Variants in PIEZO2 observed in about 807,000 individuals in gnomAD.
PIEZO2 encodes piezo-type mechanosensitive ion channel component 2.
PIEZO2 carries 172 observed loss-of-function variants against 337.3 expected under a neutral mutation model. That is an observed-to-expected ratio of 0.51 (90% CI 0.45 to 0.58). The LOEUF (loss-of-function observed/expected upper bound fraction) is 0.58, where lower values mean the gene tolerates loss of function less well. Ranked by LOEUF, PIEZO2 falls within the 20% of genes least tolerant of loss-of-function variation. PIEZO2 has a pLI of 0.00. For synonymous variants in PIEZO2, 1,251 were observed against 1,228.5 expected, an observed-to-expected ratio of 1.02 and a Z score of -0.38; for missense variants, 3,028 against 3,391.3, an observed-to-expected ratio of 0.89 and a Z score of 2.66.
Position 10,742,565 on chromosome 18 carries a change from C to T in PIEZO2, c.4565G>A (p.Arg1522Lys). 1 of 1,537,172 alleles carries T rather than the reference C, an allele frequency of 6.5e-7. No individual in the cohort carries two copies. The highest frequency in any genetic ancestry group is 2.4e-5 in the East Asian group (1 of 40,906). The change falls in exon 32 of 56, where the codon AGG becomes AAG. Residue 1522 changes from arginine (R) to lysine (K), a missense_variant. Coordinates refer to ENST00000674853, the MANE Select transcript of PIEZO2 (RefSeq NM_001378183.1). ...TGGCTCCTGGGTCAAGCTCAGCATCCTCTCCTTACCCTTTTTATATTTCTG... is the reference window on the plus strand; with the variant it reads ...TGGCTCCTGGGTCAAGCTCAGCATCTTCTCCTTACCCTTTTTATATTTCTG... ...RQQKYKKGKE[R>K]MLSLTQEPGE...
chr18:10,704,385 C>CA lies in PIEZO2; in HGVS notation c.6258+8dup. 6.5e-7 allele frequency: 1 copy of CA among 1,536,848 alleles called. No homozygotes were observed. The highest frequency in any genetic ancestry group is 8.7e-7 in the Non-Finnish European group (1 of 1,146,800). ...GAAGCCATCCACAGGGGTCTGCGTC[C>CA]AGGCCTACCTCAGTATAGACGATGG... On this transcript the variant is annotated intron_variant, in intron 42 of 55. Transcript: ENST00000674853.
intron 2 of PIEZO2, among the ~76,000 whole-genome samples, chr18:11,060,633 A>G (rs1049452730): frequency 1.3e-5 from 2 of 152,260 alleles, no homozygotes. Flanking sequence ...AAACACCTCT[A>G]TGCAAATAAA....
intron 3 of PIEZO2, among the ~76,000 whole-genome samples, chr18:10,950,605 A>G (rs542797469): frequency 9.8e-5 from 15 of 152,316 alleles, no homozygotes; most frequent in African/African-American, 3.4e-4. Context: ...CAGTATTCTG[A>G]TAACACCCAA....
rs139214788 is a variant in PIEZO2 at position 10,825,082 on chromosome 18, T to C, written c.918-17808A>G. Among the ~76,000 whole-genome samples the C allele has an allele frequency of 2.8e-4, 42 of 152,210 alleles. No individual in the cohort carries two copies. In the East Asian group the frequency reaches 8.1e-3, roughly 29 times the overall value. On this transcript the variant is annotated intron_variant, in intron 7 of 55. Coordinates refer to ENST00000674853, the MANE Select transcript of PIEZO2 (RefSeq NM_001378183.1). ...TTTCACCATGTTGGCCAGGCTGGTCTTGAACTCCTGACCTCAGGTGATCCA... is the reference window on the plus strand; with the variant it reads ...TTTCACCATGTTGGCCAGGCTGGTCCTGAACTCCTGACCTCAGGTGATCCA...
At position 10,673,127 on chromosome 18, in the gene PIEZO2, A is replaced by G. The variant is rs1294451876; in HGVS notation, c.8162-254T>C. ...GCATGGCAGCAAAACCACAGGGCAA[A>G]AGTAGAGGATCCACCACCTGAGCAG... On this transcript the variant is annotated intron_variant, in intron 54 of 55. Coordinates refer to ENST00000674853, the MANE Select transcript of PIEZO2 (RefSeq NM_001378183.1). This position sits in a 1 kb window ranked among gnomAD's most constrained non-coding sequence, Gnocchi z 4.8. Among the ~76,000 whole-genome samples the G allele has an allele frequency of 6.6e-6, 1 of 152,160 alleles. No individual in the cohort carries two copies. Among genetic ancestry groups the G allele is most frequent in the African/African-American group, 2.4e-5 (1 of 41,440 alleles).
At chr18:10,687,328 C>T (rs1417699501) in intron 49 of PIEZO2, among the ~76,000 whole-genome samples, 1 of 152,018 alleles carries the variant, frequency 6.6e-6, no homozygotes, top group African/African-American at 2.4e-5. Flanking sequence ...TGTGTTGTTC[C>T]ACCCCATGTG....
Position 10,880,860 on chromosome 18 carries a change from T to C in PIEZO2, c.330-9445A>G, listed in dbSNP as rs1333166728. 1.7e-4 allele frequency among the ~76,000 whole-genome samples: 6 copies of C among 35,676 alleles called. No individual in the cohort carries two copies. The South Asian group carries it at 5.2e-3, about 31-fold the overall frequency. The allele number at this position is 35,676 out of a possible 152,430, so 23.4% of individuals were successfully genotyped here. ...TTCCCACATATCATATATATATATA[T>C]ATATATATATATATATATATATATA... On this transcript the variant is annotated intron_variant, in intron 4 of 55. Transcript: ENST00000674853.
chr18:10,845,516 T>C (rs1173560231), intron 7 of PIEZO2, among the ~76,000 whole-genome samples: 1 of 152,202 alleles, frequency 6.6e-6, no homozygotes, highest in Non-Finnish European at 1.5e-5. Context: ...ATACATGTGT[T>C]TCTACAGAAA....
At chr18:11,043,658 T>C (rs1484904255) in intron 2 of PIEZO2, among the ~76,000 whole-genome samples, 1 of 151,880 alleles carries the variant, frequency 6.6e-6, no homozygotes, top group Non-Finnish European at 1.5e-5. Context: ...ATATTATCCC[T>C]AAACACATAT....
intron 21 of PIEZO2, among the ~76,000 whole-genome samples, chr18:10,768,935 C>T (rs2038478364): frequency 6.6e-6 from 1 of 152,136 alleles, no homozygotes; most frequent in African/African-American, 2.4e-5. Flanking sequence ...AATTTCCGCT[C>T]CCCCAATGCC....
chr18:10,791,989 C>T (rs1269305830), intron 13 of PIEZO2, among the ~76,000 whole-genome samples: 1 of 152,168 alleles, frequency 6.6e-6, no homozygotes, highest in Non-Finnish European at 1.5e-5. Context: ...TCTGGTTGTC[C>T]AGGCTGGAGT....
intron 2 of PIEZO2, among the ~76,000 whole-genome samples, chr18:11,051,368 T>G (rs1568330482): frequency 2.8e-5 from 4 of 145,306 alleles, no homozygotes; most frequent in Admixed American, 2.0e-4. Flanking sequence ...TGTGTGTGTG[T>G]GGGTGTGGGT....
Position 10,762,550 on chromosome 18 carries a change from T to C in PIEZO2, c.3199A>G (p.Thr1067Ala), listed in dbSNP as rs2038179865. The change falls in exon 23 of 56, where the codon ACA (threonine) becomes GCA (alanine). Residue 1067 changes from threonine to alanine, a missense_variant. This residue lies in a region of PIEZO2 where 1,925 missense variants were observed against 2,051.9 expected (regional missense o/e 0.94). Coordinates refer to ENST00000674853, the MANE Select transcript of PIEZO2 (RefSeq NM_001378183.1). ...SLLYSAPIDP[T>A]EWVGLRKSSP... ...GACTTCCGCAGGCCGACCCACTCTG[T>C]AGGATCGATAGGAGCGCTGTAGAGC... 2.6e-6 allele frequency: 4 copies of C among 1,537,334 alleles called. No homozygotes were observed. The South Asian group carries it at 3.6e-5, about 14-fold the overall frequency.
chr18:10,882,924 C>T (rs1403762207), intron 4 of PIEZO2, among the ~76,000 whole-genome samples: 3 of 148,372 alleles, frequency 2.0e-5, no homozygotes, highest in African/African-American at 7.4e-5. Flanking sequence ...CTGCAACCAC[C>T]ACCTCCTGGG....
chr18:10,976,616 C>T (rs1598771004), intron 3 of PIEZO2, among the ~76,000 whole-genome samples: 1 of 152,148 alleles, frequency 6.6e-6, no homozygotes, highest in East Asian at 1.9e-4. Context: ...GAGCTTTCAT[C>T]TGGGGATAGC....
At position 11,003,602 on chromosome 18, in the gene PIEZO2, T is replaced by C. The variant is rs1172728098; in HGVS notation, c.161-23942A>G. On this transcript the variant is annotated intron_variant, in intron 2 of 55. Coordinates refer to ENST00000674853, the MANE Select transcript of PIEZO2 (RefSeq NM_001378183.1). This position sits in a 1 kb window ranked among gnomAD's most constrained non-coding sequence, Gnocchi z 4.6. The stretch of plus-strand genomic sequence containing the variant: ...GGTTGCAGGGGGCTGGAGCTTAACC[T>C]GGAAGTTCAGGGCACCAGGCGGGCA... Among the ~76,000 whole-genome samples the C allele has an allele frequency of 6.6e-6, 1 of 152,234 alleles. No homozygotes were observed. Among genetic ancestry groups the C allele is most frequent in the Non-Finnish European group, 1.5e-5 (1 of 68,044 alleles).
chr18:10,869,656 A>G (rs961690851), intron 5 of PIEZO2, among the ~76,000 whole-genome samples: 1 of 152,194 alleles, frequency 6.6e-6, no homozygotes, highest in African/African-American at 2.4e-5. Flanking sequence ...CTGTCTTACA[A>G]TTGGAATGTC....
At position 10,895,892 on chromosome 18, in the gene PIEZO2, T is replaced by C. The variant is rs193209655; in HGVS notation, c.329+15294A>G. On this transcript the variant is annotated intron_variant, in intron 4 of 55. Transcript: ENST00000674853. The surrounding 1 kb of genome is among the most constrained non-coding windows in gnomAD (Gnocchi z 4.8). ...TGGCCAACATGGTGAAACCCTGTCTTTACTAAAAATACAGAAAATTACCCG... is the reference window on the plus strand; with the variant it reads ...TGGCCAACATGGTGAAACCCTGTCTCTACTAAAAATACAGAAAATTACCCG... Among the ~76,000 whole-genome samples the C allele has an allele frequency of 6.6e-6, 1 of 151,524 alleles. No homozygotes were observed. The highest frequency in any genetic ancestry group is 2.4e-5 in the African/African-American group (1 of 41,284).
rs758423393 is a variant in PIEZO2 at position 10,742,384 on chromosome 18, GTA to G, written c.4636+108_4636+109del. 1.0e-3 allele frequency: 1,285 copies of G among 1,240,562 alleles called. 2 individuals are homozygous for G. Among genetic ancestry groups the G allele is most frequent in the Non-Finnish European group, 1.2e-3 (1,111 of 908,946 alleles). 76.8% of individuals were successfully genotyped at this position (1,240,562 alleles called of 1,614,324 possible). A position where few individuals can be genotyped will look rare whatever the true frequency, so the allele number is the denominator to read the frequency against. On this transcript the variant is annotated intron_variant, in intron 32 of 55. Coordinates refer to ENST00000674853, the MANE Select transcript of PIEZO2 (RefSeq NM_001378183.1). ...ATAAAGCTCGCTGAATCAAAAAAGT[GTA>G]TCGATAATCTTGGCAGAATAAGAAG...
Sources: allele counts gnomAD v4.1 joint callset (sites outside exome capture counted in the v4.1 genomes callset), GRCh38; gene constraint gnomAD v4.1.1; regional missense constraint gnomAD v4.1.1; non-coding constraint Gnocchi (gnomAD v3.1); transcripts MANE v1.5; gene names NCBI Gene and HGNC (gene_info 2026-07-23, HGNC 2026-07-21).